PIP5K1B: variants seen among roughly 807,000 people sequenced by gnomAD.
PIP5K1B encodes the protein phosphatidylinositol-4-phosphate 5-kinase type 1 beta.
In PIP5K1B, 42 loss-of-function variants were observed where a neutral mutation model predicts 67.0. The observed-to-expected ratio is 0.63, with a 90% CI of 0.49 to 0.81. The LOEUF (loss-of-function observed/expected upper bound fraction) is 0.81, where lower values mean the gene tolerates loss of function less well. Among genes scored for constraint, PIP5K1B ranks in the 30% least tolerant of loss-of-function variants. The pLI is 0.00. For synonymous variants in PIP5K1B, 214 were observed against 231.4 expected (o/e 0.92, Z 0.68); for missense variants, 459 against 646.3 (o/e 0.71, Z 3.14).
chr9:69,007,520 C>A (rs1477708073), intron 15 of PIP5K1B, among the ~76,000 whole-genome samples: 1 of 152,138 alleles, frequency 6.6e-6, no homozygotes, highest in Admixed American at 6.5e-5. Context: ...GATGAAACAA[C>A]AAGGTTCCAA....
intron 14 of PIP5K1B, among the ~76,000 whole-genome samples, chr9:68,987,787 C>T (rs1830157365): frequency 6.6e-6 from 1 of 152,034 alleles, no homozygotes; most frequent in Non-Finnish European, 1.5e-5. Context: ...GGAGCAAAAG[C>T]AGAAACCCCT....
At chr9:68,746,283 T>A (rs1829304868) in intron 2 of PIP5K1B, among the ~76,000 whole-genome samples, 3 of 152,090 alleles carry the variant, frequency 2.0e-5, no homozygotes. Flanking sequence ...TTTGCTATGT[T>A]GGCCAGGCTG....
intron 1 of PIP5K1B, among the ~76,000 whole-genome samples, chr9:68,721,384 A>G (rs1162619388): frequency 6.6e-6 from 1 of 152,084 alleles, no homozygotes; most frequent in African/African-American, 2.4e-5. Context: ...AATTTCTAGG[A>G]CTTGATGACC....
intron 8 of PIP5K1B, among the ~76,000 whole-genome samples, chr9:68,903,886 G>A (rs984514797): frequency 3.9e-5 from 6 of 152,158 alleles, no homozygotes; most frequent in African/African-American, 1.2e-4. Context: ...CATCAAATAC[G>A]TATATACAAT....
chr9:68,740,624 T>A (rs1012632779), intron 1 of PIP5K1B, among the ~76,000 whole-genome samples: 1 of 152,372 alleles, frequency 6.6e-6, no homozygotes. Flanking sequence ...GTAGCTCTGA[T>A]GAAATCACTG....
intron 13 of PIP5K1B, among the ~76,000 whole-genome samples, chr9:68,938,944 G>T (rs183778321): frequency 6.6e-6 from 1 of 152,200 alleles, no homozygotes; most frequent in Non-Finnish European, 1.5e-5. Flanking sequence ...GTACAATTAG[G>T]TGAGGCTCCC....
intron 2 of PIP5K1B, among the ~76,000 whole-genome samples, chr9:68,748,608 CT>C (rs1329331505): frequency 1.5e-4 from 15 of 97,218 alleles, no homozygotes; most frequent in Non-Finnish European, 2.7e-4. Flanking sequence ...TTTCAGATTT[CT>C]TTTCTTTTTT....
intron 12 of PIP5K1B, among the ~76,000 whole-genome samples, chr9:68,925,095 CATTAAAATTGTATG>C (rs1486145871): frequency 6.6e-6 from 1 of 151,734 alleles, no homozygotes; most frequent in East Asian, 1.9e-4. Flanking sequence ...AGTTGCAACA[CATTAAAATTGTATG>C]AGTGTGACGT....
intron 4 of PIP5K1B, among the ~76,000 whole-genome samples, chr9:68,837,934 G>T (rs997262807): frequency 6.6e-6 from 1 of 151,770 alleles, no homozygotes; most frequent in African/African-American, 2.4e-5. Flanking sequence ...TTCCTTCCAA[G>T]AATGAAATGT....
chr9:68,992,384 G>A (rs1002395069), intron 15 of PIP5K1B, among the ~76,000 whole-genome samples: 1 of 152,146 alleles, frequency 6.6e-6, no homozygotes, highest in Non-Finnish European at 1.5e-5. Context: ...GCAACTTCAG[G>A]AATCAGCACC....
At chr9:68,754,971 C>G (rs961095687) in intron 2 of PIP5K1B, among the ~76,000 whole-genome samples, 1 of 152,130 alleles carries the variant, frequency 6.6e-6, no homozygotes, top group Non-Finnish European at 1.5e-5. Flanking sequence ...CTATATTTAC[C>G]TGGAACTCTA....
At chr9:68,957,240 A>T (rs959941139) in intron 14 of PIP5K1B, among the ~76,000 whole-genome samples, 5 of 151,948 alleles carry the variant, frequency 3.3e-5, no homozygotes, top group Admixed American at 1.3e-4. Context: ...AAAAGAAAAA[A>T]AAAAAGGTGG....
chr9:68,872,967 C>T (rs1823700498), intron 5 of PIP5K1B, among the ~76,000 whole-genome samples: 1 of 152,110 alleles, frequency 6.6e-6, no homozygotes, highest in Non-Finnish European at 1.5e-5. Context: ...GCTAGTTTAT[C>T]CATAGGATAA....
intron 2 of PIP5K1B, among the ~76,000 whole-genome samples, chr9:68,810,047 A>G (rs1436014344): frequency 1.3e-5 from 2 of 152,258 alleles, no homozygotes; most frequent in African/African-American, 2.4e-5. Flanking sequence ...AGCATAAATA[A>G]AACAAAAATG....
chr9:68,740,083 G>A (rs1457983218), intron 1 of PIP5K1B, among the ~76,000 whole-genome samples: 2 of 152,190 alleles, frequency 1.3e-5, no homozygotes, highest in Non-Finnish European at 2.9e-5. Context: ...TGCCTAGAAA[G>A]CATTCCCAAT....
chr9:68,879,337 G>A (rs1378504660), intron 6 of PIP5K1B, among the ~76,000 whole-genome samples: 1 of 152,188 alleles, frequency 6.6e-6, no homozygotes, highest in Admixed American at 6.5e-5. Context: ...GGAGGCCGAG[G>A]TGGGAAGATC....
intron 2 of PIP5K1B, among the ~76,000 whole-genome samples, chr9:68,746,153 A>G (rs2132332976): frequency 1.4e-5 from 2 of 139,956 alleles, no homozygotes; most frequent in East Asian, 4.2e-4. Flanking sequence ...ATCTCGGCTC[A>G]CTGCAACCTC....
chr9:68,994,244 G>A (rs1379266226), intron 15 of PIP5K1B, among the ~76,000 whole-genome samples: 1 of 151,944 alleles, frequency 6.6e-6, no homozygotes, highest in Non-Finnish European at 1.5e-5. Flanking sequence ...GTTTCGCCAT[G>A]TTGGTCAGGC....
Position 68,723,694 on chromosome 9 carries a change from G to GTTTTT in PIP5K1B, c.-243+17932_-243+17933insTTTTT, listed in dbSNP as rs1224332057. 8.2e-5 allele frequency among the ~76,000 whole-genome samples: 3 copies of GTTTTT among 36,724 alleles called. No individual in the cohort carries two copies. The Admixed American group carries it at 9.2e-4, about 11-fold the overall frequency. 24.1% of individuals were successfully genotyped at this position (36,724 alleles called of 152,430 possible). A position where few individuals can be genotyped will look rare whatever the true frequency, so the allele number is the denominator to read the frequency against. Reference sequence around the variant, plus strand: ...TGCCCATTTTTTAATTGAAGTATTTGGTTTTTTTTTTTTTTTTTTTTTTGC... The same window carrying GTTTTT: ...TGCCCATTTTTTAATTGAAGTATTTGTTTTTGTTTTTTTTTTTTTTTTTTTTTTGC... On this transcript the variant is annotated intron_variant, in intron 1 of 15. Coordinates refer to ENST00000265382, the MANE Select transcript of PIP5K1B (RefSeq NM_003558.4).
Sources: gnomAD v4.1 joint callset for allele counts (sites outside exome capture counted in the v4.1 genomes callset) on GRCh38, gnomAD v4.1.1 for gene constraint, MANE v1.5 for transcripts, NCBI Gene and HGNC (gene_info 2026-07-23, HGNC 2026-07-21) for gene names.